Variants in POC1B observed in about 807,000 individuals in gnomAD.
POC1B encodes the protein POC1 centriolar protein homolog B.
Under a neutral mutation model 60.6 loss-of-function variants are expected in POC1B, and 44 were observed. That is an observed-to-expected ratio of 0.73 (90% CI 0.57 to 0.93). The LOEUF is 0.93. POC1B is among the 40% of genes least tolerant of loss of function. The pLI is 0.00. For missense variants in POC1B, 555 were observed against 572.3 expected, an observed-to-expected ratio of 0.97 and a Z score of 0.31; for synonymous variants, 180 against 198.9, an observed-to-expected ratio of 0.90 and a Z score of 0.80.
intron 2 of POC1B, chr12:89,522,810 GCT>G (rs772956146): frequency 6.4e-7 from 1 of 1,572,716 alleles, no homozygotes; most frequent in Non-Finnish European, 8.6e-7. Context: ...GTGCTGTTGT[GCT>G]CTATTTCTCA....
At chr12:89,470,295 A>C (rs1382950689) in intron 7 of POC1B, 66 bp downstream of exon 7, 3 of 933,830 alleles carry the variant, frequency 3.2e-6, no homozygotes, top group African/African-American at 1.8e-5. Flanking sequence ...AAAATGGATC[A>C]GAAATTTAAA....
intron 2 of POC1B, among the ~76,000 whole-genome samples, chr12:89,511,841 T>C (rs934140564): frequency 5.3e-5 from 8 of 151,872 alleles, no homozygotes; most frequent in African/African-American, 1.9e-4. Flanking sequence ...ATCACTCGAG[T>C]CCAGGAATTT....
At chr12:89,434,083 A>G (rs1881151406) in intron 10 of POC1B, among the ~76,000 whole-genome samples, 2 of 152,250 alleles carry the variant, frequency 1.3e-5, no homozygotes, top group South Asian at 4.1e-4. Context: ...TGATTGACTT[A>G]AAAGTATGAC....
chr12:89,408,486 GTT>G, the POC1B span, among the ~76,000 whole-genome samples: 8 of 136,256 alleles, frequency 5.9e-5, no homozygotes, highest in Admixed American at 1.5e-4. Context: ...CTGACTTCTG[GTT>G]TTTTTTTTTT....
chr12:89,499,520 GA>G (rs145073307), intron 2 of POC1B, among the ~76,000 whole-genome samples: 29,247 of 148,552 alleles, frequency 0.2, 3,220 homozygotes, highest in South Asian at 0.36. Flanking sequence ...ATTATTGAAA[GA>G]AAAAAAAAAC....
chr12:89,452,056 G>A (rs1307943452), intron 10 of POC1B, among the ~76,000 whole-genome samples: 1 of 152,156 alleles, frequency 6.6e-6, no homozygotes, highest in Non-Finnish European at 1.5e-5. Context: ...GCATTCCTCA[G>A]GGTGCATTTC....
chr12:89,456,646 CTTTT>C (rs34611592), intron 10 of POC1B, among the ~76,000 whole-genome samples: 2 of 148,872 alleles, frequency 1.3e-5, no homozygotes, highest in East Asian at 2.0e-4. Context: ...TTTACAGAAA[CTTTT>C]TTTTTTAACA....
chr12:89,413,264 G>C, the POC1B span, among the ~76,000 whole-genome samples: 2 of 152,024 alleles, frequency 1.3e-5, no homozygotes, highest in African/African-American at 4.8e-5. Context: ...GGAGTGCACT[G>C]GTGCAATAAT....
intron 10 of POC1B, among the ~76,000 whole-genome samples, chr12:89,431,628 T>A (rs1881035659): frequency 6.6e-6 from 1 of 152,178 alleles, no homozygotes; most frequent in East Asian, 1.9e-4. Context: ...ACTTCAATAA[T>A]CTCTACATAA....
At chr12:89,431,741 T>G (rs1166522524) in intron 10 of POC1B, among the ~76,000 whole-genome samples, 1 of 152,226 alleles carries the variant, frequency 6.6e-6, no homozygotes, top group African/African-American at 2.4e-5. Flanking sequence ...AGGACTGTGT[T>G]CATTTCCTAC....
intron 4 of POC1B, among the ~76,000 whole-genome samples, chr12:89,477,389 T>C (rs1357024375): frequency 1.3e-5 from 2 of 152,114 alleles, no homozygotes; most frequent in East Asian, 1.9e-4. Context: ...GAATTTACCA[T>C]CTATGTGCCC....
At chr12:89,430,506 T>G (rs1198651951) in intron 10 of POC1B, among the ~76,000 whole-genome samples, 1 of 152,172 alleles carries the variant, frequency 6.6e-6, no homozygotes, top group African/African-American at 2.4e-5. Context: ...CAAAGGAATA[T>G]TCAAGATACT....
chr12:89,456,097 T>C (rs1175972058), intron 10 of POC1B, among the ~76,000 whole-genome samples: 1 of 152,042 alleles, frequency 6.6e-6, no homozygotes, highest in African/African-American at 2.4e-5. Context: ...CTCGGCTCAC[T>C]GCAACCTCCA....
intron 10 of POC1B, among the ~76,000 whole-genome samples, chr12:89,431,938 G>T (rs1228272659): frequency 6.6e-6 from 1 of 152,200 alleles, no homozygotes; most frequent in African/African-American, 2.4e-5. Flanking sequence ...TCTAGAGGCT[G>T]TCCACATTCC....
chr12:89,501,717 T>A (rs1044648156), intron 2 of POC1B: 7 of 934,186 alleles, frequency 7.5e-6, no homozygotes, highest in Middle Eastern at 2.2e-4. Flanking sequence ...CAGAGGAGAG[T>A]CCTGTTTATA....
chr12:89,430,082 T>C (rs1880965064), intron 10 of POC1B, among the ~76,000 whole-genome samples: 1 of 152,172 alleles, frequency 6.6e-6, no homozygotes, highest in African/African-American at 2.4e-5. Context: ...GATAACCCCA[T>C]GGTTGCCATC....
chr12:89,421,090 G>T lies in POC1B; in HGVS notation c.*63C>A. On this transcript the variant is annotated 3_prime_UTR_variant, in exon 12 of 12. Coordinates refer to ENST00000313546, the MANE Select transcript of POC1B (RefSeq NM_172240.3). ...ATGGAGTATCTTGTACTACCTTCCT[G>T]AGTGTATGTACATTTGTTCATTTAT... 1 of 1,264,176 alleles carries T rather than the reference G, an allele frequency of 7.9e-7. No individual in the cohort carries two copies. Among genetic ancestry groups the T allele is most frequent in the Non-Finnish European group, 1.1e-6 (1 of 897,642 alleles). The allele number at this position is 1,264,176 out of a possible 1,614,324, so 78.3% of individuals were successfully genotyped here. A position where few individuals can be genotyped will look rare whatever the true frequency, so the allele number is the denominator to read the frequency against.
chr12:89,469,092 T>C (rs912615509), intron 7 of POC1B, among the ~76,000 whole-genome samples: 4 of 151,986 alleles, frequency 2.6e-5, no homozygotes, highest in African/African-American at 9.7e-5. Context: ...TGGTGAAACC[T>C]TGTCTCTTCT....
intron 2 of POC1B, among the ~76,000 whole-genome samples, chr12:89,511,791 T>C (rs1261290680): frequency 6.6e-6 from 1 of 152,136 alleles, no homozygotes; most frequent in Non-Finnish European, 1.5e-5. Flanking sequence ...GCATAATGGC[T>C]CACTGTAATC....
Sources: gnomAD v4.1 joint callset for allele counts (sites outside exome capture counted in the v4.1 genomes callset) on GRCh38, gnomAD v4.1.1 for gene constraint, MANE v1.5 for transcripts, NCBI Gene and HGNC (gene_info 2026-07-23, HGNC 2026-07-21) for gene names.